Variants in IDO1 observed in about 807,000 individuals in gnomAD.
IDO1 encodes the protein indoleamine 2,3-dioxygenase 1, also known as indolamine 2,3 dioxygenase.
IDO1 carries 35 observed loss-of-function variants against 38.8 expected under a neutral mutation model. The ratio of observed to expected loss-of-function variants is 0.90; its 90% CI spans 0.69 to 1.20. The LOEUF (loss-of-function observed/expected upper bound fraction) is 1.20, where lower values mean the gene tolerates loss of function less well. Ranked by LOEUF, IDO1 falls within the 50% of genes most tolerant of loss-of-function variation. The probability of loss-of-function intolerance (pLI) is 0.00; values close to 1 mark genes in which losing one functional copy is unlikely to be tolerated. For synonymous variants in IDO1, 171 were observed against 170.0 expected (o/e 1.01, Z -0.05); for missense variants, 509 against 485.1 (o/e 1.05, Z -0.46).
In IDO1 at chr8:39,928,674, A is replaced by G. The variant is rs888369578; in HGVS notation, c.*489A>G. ...CGTGAACCTGGGAGGCGGAGCTTGC[A>G]GTGAGCCAAGATTGTGCCACTGCAA... On this transcript the variant is annotated 3_prime_UTR_variant, in exon 10 of 10. Transcript: ENST00000518237. Among the ~76,000 whole-genome samples, 274 of 151,362 alleles carry G rather than the reference A, an allele frequency of 1.8e-3. 3 individuals are homozygous for G. The highest frequency in any genetic ancestry group is 5.3e-4 in the Non-Finnish European group (36 of 67,834).
chr8:39,925,055 T>G (rs1247701178), intron 8 of IDO1, among the ~76,000 whole-genome samples, 168 bp from the exon 9 acceptor site: 1 of 152,202 alleles, frequency 6.6e-6, no homozygotes, highest in Non-Finnish European at 1.5e-5. Flanking sequence ...TTATATTATT[T>G]ACTATTCTCA....
intron 1 of IDO1, among the ~76,000 whole-genome samples, chr8:39,914,646 T>C (rs1184463930): frequency 1.3e-5 from 2 of 152,248 alleles, no homozygotes; most frequent in Non-Finnish European, 2.9e-5. Context: ...ACGAATGCTA[T>C]GTAAACCAAT....
chr8:39,927,509 G>A (rs1213231497), intron 9 of IDO1, among the ~76,000 whole-genome samples: 1 of 149,674 alleles, frequency 6.7e-6, no homozygotes, highest in South Asian at 2.1e-4. Context: ...GCGGCGAGCC[G>A]AGATCGTGCC....
chr8:39,925,445 T>A, intron 9 of IDO1, 74 bp downstream of exon 9: 1 of 1,377,964 alleles, frequency 7.3e-7, no homozygotes, highest in African/African-American at 1.4e-5. Context: ...CAAAGCACCT[T>A]CCCATCAGCA....
chr8:39,919,968 T>C, intron 4 of IDO1, 132 bp from the exon 5 acceptor site: 1 of 773,476 alleles, frequency 1.3e-6, no homozygotes, highest in Non-Finnish European at 2.2e-6. Flanking sequence ...TAATAAGCTT[T>C]TTCTTTTTAC....
In IDO1 at chr8:39,928,596, G is replaced by A. The variant is rs187024006; in HGVS notation, c.*411G>A. On this transcript the variant is annotated 3_prime_UTR_variant, in exon 10 of 10. Transcript: ENST00000518237. ...AAAATACAAAAAATTAGCCGGGCGCGGTGGCGGGCACCTGTAGTCCCAGCT... is the reference window on the plus strand; with the variant it reads ...AAAATACAAAAAATTAGCCGGGCGCAGTGGCGGGCACCTGTAGTCCCAGCT... 4.2e-3 allele frequency among the ~76,000 whole-genome samples: 635 copies of A among 152,074 alleles called. 3 individuals carry two copies. Among genetic ancestry groups the A allele is most frequent in the Admixed American group, 0.011 (169 of 15,270 alleles).
chr8:39,922,359 A>G (rs1807286401), intron 5 of IDO1, among the ~76,000 whole-genome samples, 193 bp from the exon 6 acceptor site: 1 of 152,160 alleles, frequency 6.6e-6, no homozygotes, highest in African/African-American at 2.4e-5. Context: ...CCTACTTACT[A>G]TTAATTATAT....
At chr8:39,914,142 G>A (rs939549714) in intron 1 of IDO1, 133 bp downstream of exon 1, 4 of 633,602 alleles carry the variant, frequency 6.3e-6, no homozygotes, top group East Asian at 2.8e-5. Context: ...GTAAAAATTA[G>A]AGAGCTGTAA....
At position 39,925,223 on chromosome 8, in the gene IDO1, C is replaced by A; in HGVS notation, c.708C>A (p.Gly236=). The change falls in exon 9 of 10, where the codon GGC becomes GGA. Residue 236 remains glycine (G), a splice_region_variant and synonymous_variant. Transcript: ENST00000518237. ...TTTTTTTCTTTCTTTCCTCTGATAGCTGGAAAGGCAACCCCCAGCTATCAG... is the reference window on the plus strand; with the variant it reads ...TTTTTTTCTTTCTTTCCTCTGATAGATGGAAAGGCAACCCCCAGCTATCAG... ...FFSVLRIYLS[G]WKGNPQLSDG... is the part of the protein sequence containing the mutation. The A allele has an allele frequency of 1.3e-6, 2 of 1,576,176 alleles. No individual in the cohort carries two copies. Among genetic ancestry groups the A allele is most frequent in the East Asian group, 2.2e-5 (1 of 44,518 alleles).
At position 39,928,218 on chromosome 8, in the gene IDO1, A is replaced by C. The variant is rs1807397689; in HGVS notation, c.*33A>C. The C allele has an allele frequency of 6.8e-7, 1 of 1,460,302 alleles. No homozygotes were observed. The highest frequency in any genetic ancestry group is 1.4e-5 in the African/African-American group (1 of 71,424). 90.5% of individuals were successfully genotyped at this position (1,460,302 alleles called of 1,614,324 possible). A position where few individuals can be genotyped will look rare whatever the true frequency, so the allele number is the denominator to read the frequency against. On this transcript the variant is annotated 3_prime_UTR_variant, in exon 10 of 10. Transcript: ENST00000518237. ...CAACAAGAGCACATTTTATCATAGC[A>C]GAGACATCTGTATGCATTCCTGTCA... is the stretch of plus-strand genomic sequence containing the variant.
At chr8:39,924,866 C>A in intron 8 of IDO1, 94 bp downstream of exon 8, 3 of 925,412 alleles carry the variant, frequency 3.2e-6, no homozygotes, top group Non-Finnish European at 5.2e-6. Context: ...TTGGGTTTGG[C>A]TAACAATTTA....
chr8:39,923,547 T>G lies in IDO1; in HGVS notation c.616T>G (p.Cys206Gly). ...LLKALLEIAS[C>G]LEKALQVFHQ... is the part of the protein sequence containing the mutation. ...AAAGGCGCTGTTGGAAATAGCTTCTTGCTTGGAGAAAGCCCTTCAAGTGTT... is the reference window on the plus strand; with the variant it reads ...AAAGGCGCTGTTGGAAATAGCTTCTGGCTTGGAGAAAGCCCTTCAAGTGTT... The change falls in exon 7 of 10, where the codon TGC becomes GGC. Residue 206 changes from cysteine to glycine, a missense_variant. Coordinates refer to ENST00000518237, the MANE Select transcript of IDO1 (RefSeq NM_002164.6). The G allele has an allele frequency of 6.2e-7, 1 of 1,613,704 alleles. No homozygotes were observed.
chr8:39,921,926 A>G (rs987222139), intron 5 of IDO1, among the ~76,000 whole-genome samples: 2 of 152,230 alleles, frequency 1.3e-5, no homozygotes, highest in African/African-American at 4.8e-5. Context: ...TCCTGTGAGA[A>G]GTTGACGGGA....
intron 4 of IDO1, among the ~76,000 whole-genome samples, chr8:39,919,245 A>C (rs1484584311): frequency 6.6e-6 from 1 of 152,106 alleles, no homozygotes; most frequent in Non-Finnish European, 1.5e-5. Flanking sequence ...CACCTCAGAA[A>C]ATTTCTTTGT....
intron 2 of IDO1, 45 bp from the exon 3 acceptor site, chr8:39,918,043 A>G: frequency 1.2e-6 from 2 of 1,613,198 alleles, no homozygotes; most frequent in Non-Finnish European, 1.7e-6. Context: ...GAAGCATAAA[A>G]CATTACTGAG....
chr8:39,920,164 T>C, intron 5 of IDO1, 50 bp downstream of exon 5: 1 of 1,473,536 alleles, frequency 6.8e-7, no homozygotes, highest in Non-Finnish European at 9.4e-7. Context: ...TTACTTATAG[T>C]TGAATGTAGG....
At chr8:39,924,455 T>A (rs1036448918) in intron 7 of IDO1, among the ~76,000 whole-genome samples, 1 of 152,184 alleles carries the variant, frequency 6.6e-6, no homozygotes, top group African/African-American at 2.4e-5. Context: ...TTGTCTTTGG[T>A]TTGTTTCTTT....
rs374566329 is a variant in IDO1 at position 39,913,915 on chromosome 8, C to A, written c.-8C>A. On this transcript the variant is annotated 5_prime_UTR_variant, in exon 1 of 10. Transcript: ENST00000518237. Reference sequence around the variant, plus strand: ...CACTGAGGGGCACCAGAGGAGCAGACTACAAGAATGGCACACGCTATGGAA... The same window carrying A: ...CACTGAGGGGCACCAGAGGAGCAGAATACAAGAATGGCACACGCTATGGAA... The A allele has an allele frequency of 2.7e-5, 42 of 1,560,352 alleles. No individual in the cohort carries two copies. The highest frequency in any genetic ancestry group is 3.4e-5 in the Non-Finnish European group (39 of 1,151,278).
chr8:39,920,090 C>T lies in IDO1; in HGVS notation c.423-10C>T, dbSNP rs1215278380. 1.2e-6 allele frequency: 2 copies of T among 1,610,752 alleles called. No individual in the cohort carries two copies. Among genetic ancestry groups the T allele is most frequent in the Non-Finnish European group, 1.7e-6 (2 of 1,177,842 alleles). On this transcript the variant is annotated splice_polypyrimidine_tract_variant and intron_variant, in intron 4 of 9. Transcript: ENST00000518237. ...CAATTGGTCCATTGCTTCATGGCTG[C>T]TTTCATAAGGCCCCTGACTTATGAG...
Sources: allele counts gnomAD v4.1 joint callset (sites outside exome capture counted in the v4.1 genomes callset), GRCh38; gene constraint gnomAD v4.1.1; transcripts MANE v1.5; gene names NCBI Gene and HGNC (gene_info 2026-07-23, HGNC 2026-07-21).